DNAH7: variants seen among roughly 807,000 people sequenced by gnomAD.
DNAH7 encodes axonemal beta dynein heavy chain 7.
DNAH7 carries 397 observed loss-of-function variants against 444.6 expected under a neutral mutation model. That is an observed-to-expected ratio of 0.89 (90% CI 0.82 to 0.97). The LOEUF is 0.97. Ranked by LOEUF, DNAH7 falls within the 50% of genes least tolerant of loss-of-function variation. DNAH7 has a pLI of 0.00. For missense variants in DNAH7, 4,902 were observed against 4,800.8 expected, an observed-to-expected ratio of 1.02 and a Z score of -0.62; for synonymous variants, 1,636 against 1,624.4, an observed-to-expected ratio of 1.01 and a Z score of -0.17.
chr2:195,927,234 T>G (rs547279237), intron 21 of DNAH7, among the ~76,000 whole-genome samples: 1 of 152,262 alleles, frequency 6.6e-6, no homozygotes, highest in African/African-American at 2.4e-5. Context: ...GGAAACACAC[T>G]AGTCTGTTAC....
chr2:195,792,228 T>C (rs958009290), intron 57 of DNAH7, among the ~76,000 whole-genome samples: 3 of 109,050 alleles, frequency 2.8e-5, no homozygotes, highest in Admixed American at 1.8e-4. Flanking sequence ...GGAAAGGGAG[T>C]GAGGGGGCAA....
chr2:196,058,604 T>C (rs921990976), intron 1 of DNAH7, among the ~76,000 whole-genome samples: 3 of 150,570 alleles, frequency 2.0e-5, no homozygotes, highest in Non-Finnish European at 4.4e-5. Context: ...TTGCATGAAA[T>C]AGAATAAAAG....
At chr2:195,751,425 C>G (rs1303187943) in intron 63 of DNAH7, among the ~76,000 whole-genome samples, 1 of 152,116 alleles carries the variant, frequency 6.6e-6, no homozygotes, top group Non-Finnish European at 1.5e-5. Context: ...TTTGAGGGCC[C>G]TTTATGTGCT....
At position 196,037,822 on chromosome 2, in the gene DNAH7, T is replaced by A. The variant is rs1036168739; in HGVS notation, c.398+9530A>T. ...GGAAAAGCATAGAAAATTAATTTAA[T>A]GAGATAATAACTGAAAACTTCCCAA... is the stretch of plus-strand genomic sequence containing the variant. On this transcript the variant is annotated intron_variant, in intron 5 of 64. Transcript: ENST00000312428. Among the ~76,000 whole-genome samples the A allele has an allele frequency of 5.9e-5, 9 of 152,098 alleles. 1 individual carries two copies. The highest frequency in any genetic ancestry group is 3.9e-4 in the Admixed American group (6 of 15,272).
intron 23 of DNAH7, among the ~76,000 whole-genome samples, chr2:195,922,561 G>A (rs1422345614): frequency 6.6e-6 from 1 of 152,206 alleles, no homozygotes; most frequent in Non-Finnish European, 1.5e-5. Flanking sequence ...TCTGGCATCT[G>A]AAATGATTCC....
At chr2:195,931,343 T>A (rs938054059) in intron 21 of DNAH7, among the ~76,000 whole-genome samples, 1 of 152,102 alleles carries the variant, frequency 6.6e-6, no homozygotes, top group Non-Finnish European at 1.5e-5. Context: ...GATGAGTAGG[T>A]TGCGAAAATT....
At chr2:195,905,477 C>T (rs538508984) in intron 27 of DNAH7, 1 of 152,212 alleles carries the variant, frequency 6.6e-6, no homozygotes, top group Non-Finnish European at 1.5e-5. Context: ...TTAGTCATAT[C>T]AAGTCTTTTT....
intron 58 of DNAH7, among the ~76,000 whole-genome samples, chr2:195,786,177 A>C (rs190723325): frequency 1.1e-3 from 167 of 152,326 alleles, no homozygotes; most frequent in Admixed American, 3.3e-3. Flanking sequence ...GATAGAATCC[A>C]ATGCCTTCCT....
intron 60 of DNAH7, among the ~76,000 whole-genome samples, chr2:195,772,778 T>G (rs1694900822): frequency 1.3e-5 from 2 of 149,498 alleles, no homozygotes; most frequent in African/African-American, 5.0e-5. Context: ...GTTTCTACTG[T>G]GACTTTTTTT....
chr2:195,871,515 A>ATT (rs1383473689), intron 40 of DNAH7, among the ~76,000 whole-genome samples: 2 of 151,834 alleles, frequency 1.3e-5, no homozygotes, highest in African/African-American at 2.4e-5. Flanking sequence ...GCTTAAATAC[A>ATT]TTTTTATATA....
chr2:195,828,610 A>ATAT (rs1221447006), intron 48 of DNAH7, among the ~76,000 whole-genome samples: 10 of 135,100 alleles, frequency 7.4e-5, no homozygotes, highest in African/African-American at 2.2e-4. Context: ...ATATATATAT[A>ATAT]TTTTTTTTTT....
At chr2:195,987,471 C>G (rs1692998009) in intron 13 of DNAH7, among the ~76,000 whole-genome samples, 1 of 151,554 alleles carries the variant, frequency 6.6e-6, no homozygotes, top group African/African-American at 2.4e-5. Context: ...TACTGTATTG[C>G]TAAATAAATA....
At chr2:195,783,183 A>G (rs1397018595) in intron 58 of DNAH7, among the ~76,000 whole-genome samples, 1 of 152,090 alleles carries the variant, frequency 6.6e-6, no homozygotes, top group African/African-American at 2.4e-5. Context: ...AGTCATTTCA[A>G]TCCTTTCCCC....
At chr2:196,041,565 G>C (rs1026826214) in intron 5 of DNAH7, among the ~76,000 whole-genome samples, 8 of 152,018 alleles carry the variant, frequency 5.3e-5, no homozygotes, top group Admixed American at 3.3e-4. Flanking sequence ...AATGAAAATG[G>C]ATTAAAGACT....
intron 47 of DNAH7, among the ~76,000 whole-genome samples, chr2:195,835,456 CATT>C (rs565200488): frequency 2.0e-4 from 30 of 151,484 alleles, no homozygotes; most frequent in Non-Finnish European, 3.7e-4. Flanking sequence ...AATTCACTCT[CATT>C]ATAACATGAA....
intron 10 of DNAH7, among the ~76,000 whole-genome samples, chr2:196,003,485 T>G (rs1694174592): frequency 6.6e-6 from 1 of 152,228 alleles, no homozygotes; most frequent in African/African-American, 2.4e-5. Context: ...AAAGATTTCT[T>G]AATTCTCAAA....
chr2:195,914,565 A>C (rs549519208), intron 24 of DNAH7, among the ~76,000 whole-genome samples: 29 of 152,356 alleles, frequency 1.9e-4, no homozygotes, highest in African/African-American at 6.7e-4. Context: ...GCCCTGATTC[A>C]TTTGATGCTT....
intron 12 of DNAH7, among the ~76,000 whole-genome samples, chr2:195,992,491 G>C (rs567153103): frequency 6.6e-6 from 1 of 152,200 alleles, no homozygotes; most frequent in Admixed American, 6.5e-5. Flanking sequence ...GCAGTAAACT[G>C]GCTGGGGCTT....
At chr2:195,851,820 G>A (rs1391190605) in intron 46 of DNAH7, among the ~76,000 whole-genome samples, 1 of 152,202 alleles carries the variant, frequency 6.6e-6, no homozygotes, top group Non-Finnish European at 1.5e-5. Context: ...AGCAGGGAAA[G>A]GTAAGGGTGG....
Sources: allele counts gnomAD v4.1 joint callset (sites outside exome capture counted in the v4.1 genomes callset), GRCh38; gene constraint gnomAD v4.1.1; transcripts MANE v1.5; gene names NCBI Gene and HGNC (gene_info 2026-07-23, HGNC 2026-07-21).